The following GTF2E2 variants were observed in gnomAD, a reference collection of about 807,000 sequenced individuals.
The protein encoded by GTF2E2 is transcription initiation factor IIE subunit beta.
GTF2E2 carries 21 observed loss-of-function variants against 40.5 expected under a neutral mutation model. The ratio of observed to expected loss-of-function variants is 0.52; its 90% confidence interval spans 0.37 to 0.75. The LOEUF is 0.75. Among genes scored for constraint, GTF2E2 ranks in the 30% least tolerant of loss-of-function variants. The pLI, the probability that GTF2E2 is intolerant of heterozygous loss-of-function variation, is 0.00. For synonymous variants in GTF2E2, 117 were observed against 121.6 expected (o/e 0.96, Z 0.25); for missense variants, 298 against 338.4 (o/e 0.88, Z 0.94).
chr8:30,597,674 A>G (rs1405812281), intron 6 of GTF2E2: 1 of 152,214 alleles, frequency 6.6e-6, no homozygotes, highest in Non-Finnish European at 1.5e-5. Flanking sequence ...ATTCAAGAAG[A>G]TATCAGCATG....
At chr8:30,616,739 G>C (rs550054581) in intron 3 of GTF2E2, among the ~76,000 whole-genome samples, 9 of 152,026 alleles carry the variant, frequency 5.9e-5, no homozygotes, top group Non-Finnish European at 8.8e-5. Context: ...AGCTGTGGGG[G>C]GATGGGCAGG....
At chr8:30,654,183 T>G (rs1393436398) in intron 1 of GTF2E2, among the ~76,000 whole-genome samples, 1 of 152,004 alleles carries the variant, frequency 6.6e-6, no homozygotes, top group Non-Finnish European at 1.5e-5. Context: ...ACTAGCCACA[T>G]GTGCCTATTA....
At chr8:30,597,126 C>T (rs1328806497) in intron 6 of GTF2E2, 2 of 152,464 alleles carry the variant, frequency 1.3e-5, no homozygotes, top group African/African-American at 4.8e-5. Flanking sequence ...CACTGTCTTC[C>T]TTGGTGACTG....
rs184345100 is a variant in GTF2E2 at position 30,587,740 on chromosome 8, C to T, written c.644-7344G>A. On this transcript the variant is annotated intron_variant, in intron 6 of 7. Coordinates refer to ENST00000355904, the MANE Select transcript of GTF2E2 (RefSeq NM_002095.6). ...ATACAAACTCAGCTGGGCATGGTGG[C>T]GGGCACCTGTAATTCCAGCTACTTG... Among the ~76,000 whole-genome samples the T allele has an allele frequency of 8.4e-4, 127 of 151,926 alleles. 1 individual carries two copies. Among genetic ancestry groups the T allele is most frequent in the Admixed American group, 7.1e-3 (108 of 15,248 alleles).
At chr8:30,626,371 G>A (rs1489846090) in intron 3 of GTF2E2, among the ~76,000 whole-genome samples, 1 of 152,158 alleles carries the variant, frequency 6.6e-6, no homozygotes, top group Non-Finnish European at 1.5e-5. Context: ...TGTAGTCCCA[G>A]CTACTTGGGA....
intron 6 of GTF2E2, among the ~76,000 whole-genome samples, chr8:30,596,250 C>G (rs1217458387): frequency 6.6e-6 from 1 of 152,120 alleles, no homozygotes; most frequent in Non-Finnish European, 1.5e-5. Context: ...CGTTTTCTTT[C>G]TTTTCCTTCT....
chr8:30,592,311 TC>T (rs1187728607), intron 6 of GTF2E2, among the ~76,000 whole-genome samples: 4 of 151,928 alleles, frequency 2.6e-5, no homozygotes, highest in African/African-American at 9.7e-5. Flanking sequence ...CCCAGGGAGG[TC>T]AAGGCTGCAG....
intron 3 of GTF2E2, among the ~76,000 whole-genome samples, chr8:30,625,858 C>A (rs571610190): frequency 6.6e-6 from 1 of 152,320 alleles, no homozygotes; most frequent in East Asian, 1.9e-4. Flanking sequence ...CTCAGCCTCC[C>A]AAAGTGCTAG....
At chr8:30,641,045 C>T (rs1351229771) in intron 2 of GTF2E2, among the ~76,000 whole-genome samples, 2 of 152,136 alleles carry the variant, frequency 1.3e-5, no homozygotes, top group Non-Finnish European at 2.9e-5. Context: ...TAAGATTTAG[C>T]CTTTACCCTA....
chr8:30,607,950 T>C (rs1033776301), intron 5 of GTF2E2, among the ~76,000 whole-genome samples: 3 of 152,214 alleles, frequency 2.0e-5, no homozygotes, highest in Non-Finnish European at 4.4e-5. Context: ...CCTTCAGTTT[T>C]CTTACTGCAT....
intron 2 of GTF2E2, among the ~76,000 whole-genome samples, chr8:30,651,013 CA>C (rs147244822): frequency 1.5e-4 from 20 of 137,268 alleles, no homozygotes; most frequent in Non-Finnish European, 1.7e-4. Context: ...GACTCCGTCT[CA>C]AAAAAAAAAA....
intron 6 of GTF2E2, among the ~76,000 whole-genome samples, chr8:30,590,383 A>AAGCC (rs1182090637): frequency 1.3e-5 from 2 of 152,226 alleles, no homozygotes; most frequent in Non-Finnish European, 2.9e-5. Flanking sequence ...GTTATGAAGA[A>AAGCC]AGCCAGTATA....
intron 3 of GTF2E2, among the ~76,000 whole-genome samples, chr8:30,629,945 T>G (rs972515391): frequency 6.6e-6 from 1 of 152,104 alleles, no homozygotes; most frequent in African/African-American, 2.4e-5. Context: ...TTATCAAAAA[T>G]AAAGTACACA....
chr8:30,644,376 C>A (rs1280467384), intron 2 of GTF2E2: 1 of 152,096 alleles, frequency 6.6e-6, no homozygotes, highest in Non-Finnish European at 1.5e-5. Flanking sequence ...TTAAGACTAT[C>A]ATTTATAACC....
intron 3 of GTF2E2, among the ~76,000 whole-genome samples, chr8:30,626,759 C>T (rs1801289284): frequency 6.6e-6 from 1 of 152,160 alleles, no homozygotes; most frequent in Non-Finnish European, 1.5e-5. Context: ...AACAGCCTAC[C>T]ACTACAGTGA....
intron 5 of GTF2E2, among the ~76,000 whole-genome samples, chr8:30,611,045 T>TGAAC (rs1447618665): frequency 6.6e-6 from 1 of 152,198 alleles, no homozygotes; most frequent in Admixed American, 6.5e-5. Context: ...ACAACATGGA[T>TGAAC]GAACCTTGAG....
intron 6 of GTF2E2, chr8:30,597,263 T>TCATAGTGGTTTG (rs1388145514): frequency 3.3e-5 from 5 of 152,258 alleles, no homozygotes; most frequent in African/African-American, 4.8e-5. Context: ...GGTTTAAGGC[T>TCATAGTGGTTTG]CTTATCTCAT....
intron 2 of GTF2E2, among the ~76,000 whole-genome samples, chr8:30,640,766 G>A (rs544965086): frequency 8.7e-4 from 132 of 152,236 alleles, no homozygotes; most frequent in Non-Finnish European, 1.8e-3. Flanking sequence ...GTGCAGTGGC[G>A]CAATCTTGGC....
intron 3 of GTF2E2, among the ~76,000 whole-genome samples, chr8:30,627,489 T>A (rs199782078): frequency 6.6e-6 from 1 of 151,706 alleles, no homozygotes; most frequent in Non-Finnish European, 1.5e-5. Flanking sequence ...CATCGCTTTT[T>A]TCAGAGAGGT....
Sources: allele counts gnomAD v4.1 joint callset (sites outside exome capture counted in the v4.1 genomes callset), GRCh38; gene constraint gnomAD v4.1.1; transcripts MANE v1.5; gene names NCBI Gene and HGNC (gene_info 2026-07-23, HGNC 2026-07-21).